Variants in EYS observed in about 807,000 individuals in gnomAD.
EYS encodes protein eyes shut homolog.
A neutral mutation model predicts 282.1 loss-of-function variants in EYS; 250 were observed. The ratio of observed to expected loss-of-function variants is 0.89; its 90% CI spans 0.80 to 0.98. The LOEUF (loss-of-function observed/expected upper bound fraction) is 0.98. Ranked by LOEUF, EYS falls within the 50% of genes least tolerant of loss-of-function variation. EYS has a pLI of 0.00. For missense variants in EYS, 4,016 were observed against 3,709.0 expected, an observed-to-expected ratio of 1.08 and a Z score of -2.15; for synonymous variants, 1,355 against 1,282.9, an observed-to-expected ratio of 1.06 and a Z score of -1.20.
chr6:63,801,296 G>T (rs570507816), intron 37 of EYS, among the ~76,000 whole-genome samples: 1 of 152,222 alleles, frequency 6.6e-6, no homozygotes, highest in South Asian at 2.1e-4. Context: ...AAAAGTAACT[G>T]GAAAGTAAAA....
intron 12 of EYS, among the ~76,000 whole-genome samples, chr6:65,232,510 C>T (rs1766809328): frequency 6.6e-6 from 1 of 152,046 alleles, no homozygotes; most frequent in African/African-American, 2.4e-5. Flanking sequence ...GCCTCAGTCT[C>T]ATGCTTAAAC....
chr6:65,186,143 T>G (rs1192793802), intron 12 of EYS, among the ~76,000 whole-genome samples: 3 of 151,748 alleles, frequency 2.0e-5, no homozygotes, highest in Non-Finnish European at 4.4e-5. Flanking sequence ...ACATTTTCAC[T>G]GATTATTGGG....
intron 26 of EYS, among the ~76,000 whole-genome samples, chr6:64,491,705 G>A (rs535760931): frequency 7.3e-5 from 11 of 151,030 alleles, no homozygotes; most frequent in African/African-American, 2.4e-4. Flanking sequence ...TATTGCCTGA[G>A]ATAACACATA....
chr6:64,590,349 AT>A lies in EYS; in HGVS notation c.5517del (p.Lys1839AsnfsTer40). The A allele has an allele frequency of 6.4e-7, 1 of 1,551,284 alleles. No individual in the cohort carries two copies. The highest frequency in any genetic ancestry group is 8.7e-7 in the Non-Finnish European group (1 of 1,146,690). ...TATTGCACACTAGGCTGAAGTTCCC[AT>A]TTGGACCATTCTGAAGAAGTCTTGA... is the stretch of plus-strand genomic sequence containing the variant. ...KEVKTSSEWSKWELQPSVQYQ... is the reference protein window; with the variant it reads ...KEVKTSSEWSXWELQPSVQYQ... On this transcript the variant is annotated frameshift_variant, in exon 26 of 43. Transcript: ENST00000503581. LOFTEE classifies it high-confidence loss of function.
At chr6:64,339,773 C>T (rs1340760042) in intron 29 of EYS, among the ~76,000 whole-genome samples, 1 of 151,672 alleles carries the variant, frequency 6.6e-6, no homozygotes, top group African/African-American at 2.4e-5. Flanking sequence ...AGATTGGAGA[C>T]TATTATTTTA....
rs372547317 is a variant in EYS, at chr6:65,079,284, C to T, written c.2024-21557G>A. Among the ~76,000 whole-genome samples the T allele has an allele frequency of 1.2e-4, 18 of 152,020 alleles. 3 individuals are homozygous for T. The highest frequency in any genetic ancestry group is 1.2e-3 in the East Asian group (6 of 5,138). Reference sequence around the variant, plus strand: ...TAATCAGTAGACACATGGTTGAACACTTGAAATGTTGATGCAAGAGGAACT... The same window carrying T: ...TAATCAGTAGACACATGGTTGAACATTTGAAATGTTGATGCAAGAGGAACT... On this transcript the variant is annotated intron_variant, in intron 12 of 42. Transcript: ENST00000503581.
intron 26 of EYS, among the ~76,000 whole-genome samples, chr6:64,565,367 G>A (rs993667235): frequency 1.3e-5 from 2 of 151,884 alleles, no homozygotes; most frequent in African/African-American, 2.4e-5. Flanking sequence ...ATTTTTATAC[G>A]ATGTGAGGTG....
intron 13 of EYS, among the ~76,000 whole-genome samples, chr6:65,024,145 A>G (rs972715664): frequency 2.0e-5 from 3 of 152,104 alleles, no homozygotes; most frequent in African/African-American, 7.2e-5. Flanking sequence ...GCCTCTGTAA[A>G]CTTCTATCAT....
chr6:64,990,614 T>G (rs1454129067), intron 14 of EYS, among the ~76,000 whole-genome samples: 2 of 151,770 alleles, frequency 1.3e-5, no homozygotes, highest in African/African-American at 4.8e-5. Flanking sequence ...TGGAAAGTGC[T>G]GACTTTTGTT....
intron 13 of EYS, among the ~76,000 whole-genome samples, chr6:65,015,694 T>A (rs1373610596): frequency 6.6e-6 from 1 of 151,884 alleles, no homozygotes; most frequent in Non-Finnish European, 1.5e-5. Flanking sequence ...ATTAGTTTTT[T>A]ACAATGATGT....
intron 40 of EYS, among the ~76,000 whole-genome samples, chr6:63,765,494 TA>T (rs1191523450): frequency 1.3e-5 from 2 of 151,682 alleles, no homozygotes; most frequent in Non-Finnish European, 1.5e-5. Context: ...TTTTTTTTTT[TA>T]AAACTATTTA....
intron 14 of EYS, among the ~76,000 whole-genome samples, chr6:64,989,003 C>A (rs775368159): frequency 3.9e-4 from 59 of 151,270 alleles, no homozygotes; most frequent in Non-Finnish European, 1.6e-4. Context: ...TCATTATAAT[C>A]ATAATAAAAC....
chr6:65,181,271 A>C (rs1183695107), intron 12 of EYS, among the ~76,000 whole-genome samples: 1 of 152,130 alleles, frequency 6.6e-6, no homozygotes, highest in Non-Finnish European at 1.5e-5. Flanking sequence ...TGAACAGGCA[A>C]CCTACAGAGT....
intron 33 of EYS, among the ~76,000 whole-genome samples, chr6:64,049,837 A>G (rs1307088792): frequency 6.6e-6 from 1 of 152,170 alleles, no homozygotes; most frequent in Middle Eastern, 3.2e-3. Flanking sequence ...GATAGAAATG[A>G]GGTTATAAAA....
chr6:64,962,254 TAG>T (rs902385868), intron 14 of EYS, among the ~76,000 whole-genome samples: 2 of 152,096 alleles, frequency 1.3e-5, no homozygotes, highest in African/African-American at 2.4e-5. Context: ...ACACCACTAG[TAG>T]TAAATGAGAT....
At chr6:65,625,056 AG>A (rs1422473778) in intron 2 of EYS, among the ~76,000 whole-genome samples, 2 of 152,124 alleles carry the variant, frequency 1.3e-5, no homozygotes, top group Non-Finnish European at 2.9e-5. Flanking sequence ...AGAAATTCAA[AG>A]CCTGAGAAAA....
At position 64,025,074 on chromosome 6, in the gene EYS, T is replaced by G. The variant is rs551072518; in HGVS notation, c.6726-25891A>C. Among the ~76,000 whole-genome samples, 39 of 152,264 alleles carry G rather than the reference T, an allele frequency of 2.6e-4. 2 individuals carry two copies. In the South Asian group the frequency reaches 8.1e-3, roughly 32 times the overall value. On this transcript the variant is annotated intron_variant, in intron 33 of 42. Coordinates refer to ENST00000503581, the MANE Select transcript of EYS (RefSeq NM_001142800.2). ...CAAGCAGTGAGTACCATCAGACGCC[T>G]TTCACTTGCTATTCTGTCCTATCTT...
intron 12 of EYS, among the ~76,000 whole-genome samples, chr6:65,161,372 T>C (rs956448803): frequency 1.3e-5 from 2 of 151,024 alleles, no homozygotes; most frequent in African/African-American, 2.4e-5. Flanking sequence ...TGGCTCTTTT[T>C]TGATATTCCC....
chr6:64,733,099 C>T (rs751248312), intron 22 of EYS: 1 of 152,204 alleles, frequency 6.6e-6, no homozygotes, highest in Non-Finnish European at 1.5e-5. Flanking sequence ...GCACACATTC[C>T]TGAGCCCTGG....
Sources: gnomAD v4.1 joint callset for allele counts (sites outside exome capture counted in the v4.1 genomes callset) on GRCh38, gnomAD v4.1.1 for gene constraint, MANE v1.5 for transcripts, NCBI Gene and HGNC (gene_info 2026-07-23, HGNC 2026-07-21) for gene names.